AACS: variants seen among roughly 807,000 people sequenced by gnomAD.
AACS encodes acetoacetate-CoA ligase.
AACS carries 69 observed loss-of-function variants against 83.1 expected under a neutral mutation model. That is an observed-to-expected ratio of 0.83 (90% CI 0.68 to 1.01). The LOEUF (loss-of-function observed/expected upper bound fraction) is 1.01. Among genes scored for constraint, AACS ranks in the 50% least tolerant of loss-of-function variants. The pLI, the probability that AACS is intolerant of heterozygous loss-of-function variation, is 0.00. For synonymous variants in AACS, 333 were observed against 343.4 expected, an observed-to-expected ratio of 0.97 and a Z score of 0.33; for missense variants, 866 against 882.2, an observed-to-expected ratio of 0.98 and a Z score of 0.23.
At chr12:125,088,072 G>A (rs1298986894) in intron 4 of AACS, among the ~76,000 whole-genome samples, 2 of 152,116 alleles carry the variant, frequency 1.3e-5, no homozygotes, top group Non-Finnish European at 2.9e-5. Flanking sequence ...ATCTTGGTGT[G>A]TTTGTGTGCG....
At chr12:125,074,239 G>A (rs1955956906) in intron 2 of AACS, among the ~76,000 whole-genome samples, 1 of 152,050 alleles carries the variant, frequency 6.6e-6, no homozygotes, top group Admixed American at 6.6e-5. Flanking sequence ...TTGTTTGTTT[G>A]TTTGTTTGTT....
rs117323389 is a variant in AACS, at chr12:125,096,906, G to A, written c.570+5383G>A. The stretch of plus-strand genomic sequence containing the variant: ...TGCCAGTGCCCAGGCGCTGGTCTAG[G>A]GGGTGAAGACTTCTCTCCTGGATGC... On this transcript the variant is annotated intron_variant, in intron 5 of 17. Transcript: ENST00000316519. Among the ~76,000 whole-genome samples the A allele has an allele frequency of 9.7e-4, 148 of 152,178 alleles. 3 individuals carry two copies. In the East Asian group the frequency reaches 0.019, roughly 19 times the overall value.
Position 125,065,634 on chromosome 12 carries a change from T to C in AACS, c.50T>C (p.Val17Ala). ...PGREEILECQ[V>A]MWEPDSKKNT... ...CGGGAGGAGATCCTGGAGTGCCAGGTGATGTGGGAGCCTGACAGTAAGAAG... is the reference window on the plus strand; with the variant it reads ...CGGGAGGAGATCCTGGAGTGCCAGGCGATGTGGGAGCCTGACAGTAAGAAG... Residue 17 changes from valine (V) to alanine (A), a missense_variant, in exon 1 of 18, where the codon GTG becomes GCG. Val to Ala is a moderately conservative substitution (Grantham distance 64). Coordinates refer to ENST00000316519, the MANE Select transcript of AACS (RefSeq NM_023928.5). The C allele has an allele frequency of 6.5e-7, 1 of 1,537,002 alleles. No homozygotes were observed. Among genetic ancestry groups the C allele is most frequent in the African/African-American group, 1.4e-5 (1 of 71,628 alleles).
chr12:125,102,502 G>A (rs749117508), intron 5 of AACS, 177 bp from the exon 6 acceptor site: 47 of 596,534 alleles, frequency 7.9e-5, no homozygotes, highest in Non-Finnish European at 1.2e-4. Context: ...GGTCTCACTC[G>A]TGCCCAGGCT....
At chr12:125,105,494 C>T (rs1956814777) in intron 7 of AACS, 1 of 152,194 alleles carries the variant, frequency 6.6e-6, no homozygotes, top group Non-Finnish European at 1.5e-5. Flanking sequence ...TGGATGGAGG[C>T]CATGATGCAT....
At chr12:125,073,234 T>G (rs544691505) in intron 1 of AACS, among the ~76,000 whole-genome samples, 1 of 152,202 alleles carries the variant, frequency 6.6e-6, no homozygotes, top group African/African-American at 2.4e-5. Flanking sequence ...GGCCTCCATA[T>G]GACTTTTTAC....
intron 3 of AACS, among the ~76,000 whole-genome samples, chr12:125,083,243 G>C (rs35569541): frequency 0.19 from 28,826 of 152,178 alleles, 3,112 homozygotes; most frequent in African/African-American, 0.3. Flanking sequence ...GTTCCTCCTC[G>C]TGTGGGCTGC....
At chr12:125,096,799 G>A (rs1333196365) in intron 5 of AACS, among the ~76,000 whole-genome samples, 2 of 152,076 alleles carry the variant, frequency 1.3e-5, no homozygotes, top group Non-Finnish European at 2.9e-5. Context: ...CTTGCTCTCG[G>A]GGGGTGCATC....
At chr12:125,123,327 A>G (rs1335169294) in intron 10 of AACS, 2 of 152,190 alleles carry the variant, frequency 1.3e-5, no homozygotes, top group African/African-American at 4.8e-5. Flanking sequence ...TTGCAAAGGA[A>G]GTGACACCTT....
At chr12:125,134,111 C>T in intron 15 of AACS, 39 bp downstream of exon 15, 1 of 1,603,836 alleles carries the variant, frequency 6.2e-7, no homozygotes, top group Non-Finnish European at 8.5e-7. Context: ...CCTGGAGCCC[C>T]ACCTTCCAGA....
At position 125,113,413 on chromosome 12, in the gene AACS, G is replaced by C. The variant is rs939701461; in HGVS notation, c.916-1064G>C. On this transcript the variant is annotated intron_variant, in intron 8 of 17. Transcript: ENST00000316519. This position sits in a 1 kb window ranked among gnomAD's most constrained non-coding sequence, Gnocchi z 4.8. ...CATCCCCGTCTGTCCTCAGGATCTTGTACGAGATCCGTTGGAAAGACAGGA... is the reference window on the plus strand; with the variant it reads ...CATCCCCGTCTGTCCTCAGGATCTTCTACGAGATCCGTTGGAAAGACAGGA... Among the ~76,000 whole-genome samples the C allele has an allele frequency of 4.6e-5, 7 of 152,210 alleles. No individual in the cohort carries two copies. Among genetic ancestry groups the C allele is most frequent in the Non-Finnish European group, 1.0e-4 (7 of 68,036 alleles).
At chr12:125,093,339 G>A (rs557493731) in intron 5 of AACS, among the ~76,000 whole-genome samples, 1 of 152,214 alleles carries the variant, frequency 6.6e-6, no homozygotes, top group African/African-American at 2.4e-5. Flanking sequence ...GGTGGAGAGA[G>A]GGAGAGCCTC....
At chr12:125,080,530 A>G (rs1956146966) in intron 3 of AACS, among the ~76,000 whole-genome samples, 1 of 150,652 alleles carries the variant, frequency 6.6e-6, no homozygotes, top group South Asian at 2.1e-4. Flanking sequence ...GTTGCCTTTT[A>G]TTTTTTTAAA....
At chr12:125,068,098 C>CA (rs1955754561) in intron 1 of AACS, among the ~76,000 whole-genome samples, 1 of 152,226 alleles carries the variant, frequency 6.6e-6, no homozygotes, top group Non-Finnish European at 1.5e-5. Flanking sequence ...TCAGGGCTCT[C>CA]AGACTGGTGG....
rs1428946904 is a variant in AACS at position 125,129,824 on chromosome 12, A to G, written c.1549+364A>G. ...TGCCTGCCTGTTCACGAGGAGTGGCATGTGGAAGTGGCGTCTGGCTCGGGT... is the reference window on the plus strand; with the variant it reads ...TGCCTGCCTGTTCACGAGGAGTGGCGTGTGGAAGTGGCGTCTGGCTCGGGT... On this transcript the variant is annotated intron_variant, in intron 14 of 17. Transcript: ENST00000316519. The surrounding 1 kb of genome is among the most constrained non-coding windows in gnomAD (Gnocchi z 4.3). 6.6e-6 allele frequency among the ~76,000 whole-genome samples: 1 copy of G among 152,152 alleles called. No homozygotes were observed. Among genetic ancestry groups the G allele is most frequent in the Admixed American group, 6.5e-5 (1 of 15,280 alleles).
chr12:125,070,986 C>T (rs1430213947), intron 1 of AACS, among the ~76,000 whole-genome samples: 1 of 152,158 alleles, frequency 6.6e-6, no homozygotes, highest in African/African-American at 2.4e-5. Context: ...CGACTTAAAA[C>T]AAGAATAAAC....
In AACS at chr12:125,136,847, G is replaced by C. The variant is rs1211505547; in HGVS notation, c.1864G>C (p.Glu622Gln). ...GCGACACGTGCCCAGCCTCATCCTG[G>C]AAACCAAGGGCATCCCGGTATGGCC... ...SARHVPSLIL[E>Q]TKGIPYTLNG... Residue 622 changes from glutamate to glutamine, a missense_variant, in exon 17 of 18, where the codon GAA becomes CAA. Physicochemically the swap from Glu to Gln is conservative, Grantham distance 29. Transcript: ENST00000316519. 5 of 1,613,292 alleles carry C rather than the reference G, an allele frequency of 3.1e-6. No homozygotes were observed. The highest frequency in any genetic ancestry group is 4.2e-6 in the Non-Finnish European group (5 of 1,180,020).
At chr12:125,131,691 GCAC>G (rs1401014863) in intron 14 of AACS, among the ~76,000 whole-genome samples, 4 of 151,996 alleles carry the variant, frequency 2.6e-5, no homozygotes, top group Non-Finnish European at 5.9e-5. Context: ...GGGTGCAGTG[GCAC>G]GATCTCAGCT....
At position 125,140,293 on chromosome 12, in the gene AACS, TCCTTTCTCTTTC is replaced by T. The variant is rs1957463436; in HGVS notation, c.1882-1792_1882-1781del. On this transcript the variant is annotated intron_variant, in intron 17 of 17. Coordinates refer to ENST00000316519, the MANE Select transcript of AACS (RefSeq NM_023928.5). This position sits in a 1 kb window ranked among gnomAD's most constrained non-coding sequence, Gnocchi z 5.1. ...GGTGGGCAGGGGGGCGGTGGCTTCT[TCCTTTCTCTTTC>T]CCTTTCCTCTACCTTTTCCCCTCTC... The T allele has an allele frequency of 1.3e-5, 2 of 152,346 alleles. No homozygotes were observed. Among genetic ancestry groups the T allele is most frequent in the South Asian group, 4.1e-4 (2 of 4,828 alleles). 9.4% of individuals were successfully genotyped at this position (152,346 alleles called of 1,614,324 possible).
Sources: allele counts gnomAD v4.1 joint callset (sites outside exome capture counted in the v4.1 genomes callset), GRCh38; gene constraint gnomAD v4.1.1; non-coding constraint Gnocchi (gnomAD v3.1); transcripts MANE v1.5; gene names NCBI Gene and HGNC (gene_info 2026-07-23, HGNC 2026-07-21).